Variants in ADGRG2 observed in about 807,000 individuals in gnomAD.
The protein encoded by ADGRG2 is G protein-coupled receptor 64.
ADGRG2 carries 26 observed loss-of-function variants against 74.1 expected under a neutral mutation model. That is an observed-to-expected ratio of 0.35 (90% CI 0.26 to 0.49). The LOEUF is 0.49. Among genes scored for constraint, ADGRG2 ranks in the 20% least tolerant of loss-of-function variants. The pLI, the probability that ADGRG2 is intolerant of heterozygous loss-of-function variation, is 0.99. For missense variants in ADGRG2, 619 were observed against 763.1 expected (o/e 0.81, Z 2.22); for synonymous variants, 296 against 295.2 (o/e 1.00, Z -0.03).
chrX:19,016,223 GA>G (rs2060466649), intron 15 of ADGRG2, among the ~76,000 whole-genome samples: 1 of 112,171 alleles, frequency 8.9e-6, no homozygotes, highest in Non-Finnish European at 1.9e-5. Flanking sequence ...AGAGCTTGAC[GA>G]ATTTTATATA....
intron 10 of ADGRG2, 109 bp from the exon 11 acceptor site, chrX:19,027,383 C>G: frequency 1.9e-6 from 1 of 533,163 alleles, no homozygotes. Flanking sequence ...TAACTATACC[C>G]CAAAGACTGA....
intron 22 of ADGRG2, among the ~76,000 whole-genome samples, chrX:19,005,092 A>T: frequency 9.0e-6 from 1 of 111,717 alleles, no homozygotes; most frequent in Non-Finnish European, 1.9e-5. Flanking sequence ...AAAGTGGAGA[A>T]GCCAAGATTC....
At position 19,085,898 on chromosome X, in the gene ADGRG2, C is replaced by G. The variant is rs186243686; in HGVS notation, c.-46-3152G>C. Among the ~76,000 whole-genome samples the G allele has an allele frequency of 2.7e-5, 3 of 111,604 alleles. No homozygotes were observed. The East Asian group carries it at 8.5e-4, about 32-fold the overall frequency. ...TCACTTGCTCAGCTCAACGTCATCT[C>G]CCCTTCGCCTGCTCTACCTCAGTTA... is the stretch of plus-strand genomic sequence containing the variant. On this transcript the variant is annotated intron_variant, in intron 1 of 28. Transcript: ENST00000379869.
intron 16 of ADGRG2, among the ~76,000 whole-genome samples, chrX:19,012,646 AAAAG>A (rs1311368853): frequency 1.8e-5 from 2 of 109,511 alleles, no homozygotes; most frequent in Non-Finnish European, 3.8e-5. Flanking sequence ...AAAAAAAAAA[AAAAG>A]AAACAATTTA....
chrX:19,061,328 T>TA (rs1319587101), intron 3 of ADGRG2, among the ~76,000 whole-genome samples: 1 of 111,396 alleles, frequency 9.0e-6, no homozygotes, highest in Non-Finnish European at 1.9e-5. Flanking sequence ...ACTGAGTACT[T>TA]ACTATGTGCT....
chrX:19,025,844 C>T (rs1297926011), intron 11 of ADGRG2, among the ~76,000 whole-genome samples: 3 of 109,423 alleles, frequency 2.7e-5, no homozygotes, highest in Non-Finnish European at 5.7e-5. Context: ...TGCAGTGAGC[C>T]GAGATGGCAC....
intron 2 of ADGRG2, among the ~76,000 whole-genome samples, chrX:19,080,798 C>T (rs1159805164): frequency 9.1e-6 from 1 of 110,356 alleles, no homozygotes; most frequent in South Asian, 3.9e-4. Flanking sequence ...CAGGCTCAAG[C>T]GATCCTCCTG....
chrX:19,094,115 T>C (rs936030931), intron 1 of ADGRG2, among the ~76,000 whole-genome samples: 3 of 111,198 alleles, frequency 2.7e-5, no homozygotes, highest in African/African-American at 9.8e-5. Context: ...TAGATCAACA[T>C]AGAGTGTGGA....
At chrX:19,008,243 G>A in intron 18 of ADGRG2, 120 bp from the exon 19 acceptor site, 1 of 481,142 alleles carries the variant, frequency 2.1e-6, no homozygotes, top group Non-Finnish European at 3.3e-6. Context: ...TTTAAAAAAA[G>A]ATAAAAACCA....
upstream of ADGRG2, chrX:19,122,629 G>C (rs1231020641): frequency 9.1e-6 from 1 of 109,562 alleles, no homozygotes; most frequent in Admixed American, 9.5e-5. Flanking sequence ...CGGCGGCGAG[G>C]CTGGGCGCGG....
chrX:19,075,710 T>A (rs902561441), intron 2 of ADGRG2, among the ~76,000 whole-genome samples: 1 of 109,105 alleles, frequency 9.2e-6, no homozygotes, highest in Non-Finnish European at 1.9e-5. Context: ...GAAGCAACAA[T>A]GGAAGCCAGA....
At chrX:19,018,661 A>G (rs1366877891) in intron 15 of ADGRG2, among the ~76,000 whole-genome samples, 1 of 111,750 alleles carries the variant, frequency 8.9e-6, no homozygotes, top group Non-Finnish European at 1.9e-5. Context: ...AGTATAAGAC[A>G]AAGGTGACAT....
chrX:19,090,439 C>A (rs2061999545), intron 1 of ADGRG2, among the ~76,000 whole-genome samples: 1 of 111,818 alleles, frequency 8.9e-6, no homozygotes, highest in Non-Finnish European at 1.9e-5. Context: ...AGACCCCCTC[C>A]CTCACGTGGC....
At chrX:19,084,477 AC>A (rs1418749406) in intron 1 of ADGRG2, among the ~76,000 whole-genome samples, 1 of 111,668 alleles carries the variant, frequency 9.0e-6, no homozygotes, top group African/African-American at 3.3e-5. Context: ...GAAATAAAAG[AC>A]AAAAATGAAG....
At chrX:19,081,360 G>C (rs1471482103) in intron 2 of ADGRG2, among the ~76,000 whole-genome samples, 1 of 111,824 alleles carries the variant, frequency 8.9e-6, no homozygotes, top group Non-Finnish European at 1.9e-5. Context: ...GCCTCCTGGG[G>C]CATTGATCTG....
At chrX:19,035,632 G>T (rs2060921999) in intron 7 of ADGRG2, 1 of 169,781 alleles carries the variant, frequency 5.9e-6, no homozygotes, top group African/African-American at 3.0e-5. Context: ...AAGATGATTT[G>T]TATTTTCTTC....
chrX:19,113,861 G>C (rs1035100340), intron 1 of ADGRG2, among the ~76,000 whole-genome samples: 1 of 111,136 alleles, frequency 9.0e-6, no homozygotes, highest in Non-Finnish European at 1.9e-5. Context: ...CGGAGGCCAG[G>C]AATTCGAGAC....
intron 3 of ADGRG2, among the ~76,000 whole-genome samples, chrX:19,052,232 T>C (rs2061335464): frequency 8.9e-6 from 1 of 112,141 alleles, no homozygotes; most frequent in African/African-American, 3.2e-5. Flanking sequence ...CACTCTATGC[T>C]GTCTGGCCAC....
In ADGRG2 at chrX:19,009,835, G is replaced by A. The variant is rs993748071; in HGVS notation, c.1266-53C>T. 20 of 973,461 alleles carry A rather than the reference G, an allele frequency of 2.1e-5. No individual in the cohort carries two copies. The African/African-American group carries it at 2.9e-4, about 14-fold the overall frequency. 80.2% of individuals were successfully genotyped at this position (973,461 alleles called of 1,213,427 possible). ...TTTATTTATTTATTTATTTTGAGAC[G>A]GAGTCTCGCTCTGTTGCCAGGCTGG... On this transcript the variant is annotated intron_variant, in intron 17 of 28. Transcript: ENST00000379869.
Sources: gnomAD v4.1 joint callset for allele counts (sites outside exome capture counted in the v4.1 genomes callset) on GRCh38, gnomAD v4.1.1 for gene constraint, MANE v1.5 for transcripts, NCBI Gene and HGNC (gene_info 2026-07-23, HGNC 2026-07-21) for gene names.